Variants in RABGEF1 observed in about 807,000 individuals in gnomAD.
RABGEF1 encodes rab5 GDP/GTP exchange factor.
A neutral mutation model predicts 57.3 loss-of-function variants in RABGEF1; 26 were observed. That is an observed-to-expected ratio of 0.45 (90% CI 0.33 to 0.63). RABGEF1 has a LOEUF of 0.63. Ranked by LOEUF, RABGEF1 falls within the 20% of genes least tolerant of loss-of-function variation. The probability of loss-of-function intolerance (pLI) is 0.02; values close to 1 mark genes in which losing one functional copy is unlikely to be tolerated. For synonymous variants in RABGEF1, 185 were observed against 210.7 expected (o/e 0.88, Z 1.06); for missense variants, 464 against 607.6 (o/e 0.76, Z 2.48).
intron 1 of RABGEF1, among the ~76,000 whole-genome samples, chr7:66,705,143 G>A (rs1056680952): frequency 6.6e-6 from 1 of 152,128 alleles, no homozygotes; most frequent in Admixed American, 6.5e-5. Flanking sequence ...GCTCATGCCT[G>A]TAAACCCAAC....
Position 66,761,624 on chromosome 7 carries a change from C to T in RABGEF1, c.-17-10259C>T, listed in dbSNP as rs1416025183. Among the ~76,000 whole-genome samples, 5 of 152,246 alleles carry T rather than the reference C, an allele frequency of 3.3e-5. No homozygotes were observed. The East Asian group carries it at 9.7e-4, about 29-fold the overall frequency. On this transcript the variant is annotated intron_variant, in intron 1 of 8. Coordinates refer to ENST00000284957, the MANE Select transcript of RABGEF1 (RefSeq NM_014504.3). ...GGCTTCCTGACACCAGCATTCGTCC[C>T]TCAGAGTACAGAGCTGGACCCTCTC...
chr7:66,763,071 C>A (rs139880524), intron 1 of RABGEF1, among the ~76,000 whole-genome samples: 2 of 152,172 alleles, frequency 1.3e-5, no homozygotes, highest in Non-Finnish European at 2.9e-5. Context: ...AGTCATAGCT[C>A]GCTGCAGCCT....
intron 1 of RABGEF1, among the ~76,000 whole-genome samples, chr7:66,764,466 A>C (rs1805198156): frequency 6.6e-6 from 1 of 152,154 alleles, no homozygotes; most frequent in African/African-American, 2.4e-5. Context: ...ATTTTGTTGG[A>C]GTACAATTTA....
the RABGEF1 span, among the ~76,000 whole-genome samples, chr7:66,675,932 A>G: frequency 6.6e-6 from 1 of 152,202 alleles, no homozygotes; most frequent in Non-Finnish European, 1.5e-5. Flanking sequence ...CAAAGAAGAC[A>G]AATAAATGGA....
At chr7:66,729,097 C>T (rs1370660609) in intron 2 of RABGEF1, among the ~76,000 whole-genome samples, 2 of 151,892 alleles carry the variant, frequency 1.3e-5, no homozygotes, top group Non-Finnish European at 2.9e-5. Context: ...ACTACAGGTG[C>T]GTGCGACCAT....
At chr7:66,674,192 C>CTTTTTTTTTTTTTTTT in the RABGEF1 span, among the ~76,000 whole-genome samples, 1 of 139,330 alleles carries the variant, frequency 7.2e-6, no homozygotes. Flanking sequence ...CCACTAAAGG[C>CTTTTTTTTTTTTTTTT]TTTTTTTTTT....
In RABGEF1 at chr7:66,782,791, A is replaced by G. The variant is rs547676263; in HGVS notation, c.347-884A>G. Among the ~76,000 whole-genome samples the G allele has an allele frequency of 1.2e-3, 177 of 152,288 alleles. 2 individuals carry two copies. Among genetic ancestry groups the G allele is most frequent in the African/African-American group, 4.1e-3 (170 of 41,578 alleles). ...ACAGAGCAAGACTTCGTCTCAAAAA[A>G]AAAATAAAACATACTTTTAAAAAAA... On this transcript the variant is annotated intron_variant, in intron 3 of 8. Transcript: ENST00000284957.
At position 66,775,368 on chromosome 7, in the gene RABGEF1, A is replaced by C; in HGVS notation, c.321A>C (p.Ala107=). ...KVTTVKKFFS[A]SSRVGSKKEI... ...CCACAGTGAAGAAATTCTTCAGTGC[A>C]TCTTCCAGGGTCGGATCAAAGAAGG... is the stretch of plus-strand genomic sequence containing the variant. Residue 107 remains alanine (A), a synonymous_variant, in exon 3 of 9, where the codon GCA becomes GCC. Transcript: ENST00000284957. 2 of 1,613,912 alleles carry C rather than the reference A, an allele frequency of 1.2e-6. No individual in the cohort carries two copies. The highest frequency in any genetic ancestry group is 1.1e-5 in the South Asian group (1 of 91,068).
At chr7:66,805,045 T>G (rs1584286397) in intron 7 of RABGEF1, 95 bp from the exon 8 acceptor site, 7 of 1,352,110 alleles carry the variant, frequency 5.2e-6, no homozygotes, top group Non-Finnish European at 7.2e-6. Context: ...TTAATAAGGA[T>G]TCCTTCATAA....
intron 7 of RABGEF1, among the ~76,000 whole-genome samples, chr7:66,803,653 G>T (rs1161296021): frequency 6.6e-6 from 1 of 152,152 alleles, no homozygotes; most frequent in East Asian, 1.9e-4. Context: ...CATTTTGGGA[G>T]GCTGAGGTGG....
chr7:66,729,877 G>A (rs1374102208), intron 2 of RABGEF1, among the ~76,000 whole-genome samples: 1 of 152,374 alleles, frequency 6.6e-6, no homozygotes, highest in East Asian at 1.9e-4. Flanking sequence ...GCAGAGGTCT[G>A]TGCTGACTGG....
chr7:66,735,782 A>G (rs999776872), upstream of RABGEF1, among the ~76,000 whole-genome samples: 1 of 152,106 alleles, frequency 6.6e-6, no homozygotes, highest in African/African-American at 2.4e-5. Context: ...CCCTCCAGCC[A>G]TGCTTCCTGT....
intron 4 of RABGEF1, among the ~76,000 whole-genome samples, chr7:66,790,725 G>A (rs1276514094): frequency 6.6e-6 from 1 of 152,152 alleles, no homozygotes; most frequent in Non-Finnish European, 1.5e-5. Context: ...TAACCAGTAG[G>A]TAAACAGAAA....
intron 4 of RABGEF1, among the ~76,000 whole-genome samples, chr7:66,786,024 C>T (rs1811112198): frequency 6.6e-6 from 1 of 152,268 alleles, no homozygotes; most frequent in South Asian, 2.1e-4. Flanking sequence ...AAAAACTGCC[C>T]AGTCAGCCTT....
rs184625987 is a variant in RABGEF1, at chr7:66,764,650, T to C, written c.-17-7233T>C. Among the ~76,000 whole-genome samples, 417 of 152,368 alleles carry C rather than the reference T, an allele frequency of 2.7e-3. 6 individuals are homozygous for C. Among genetic ancestry groups the C allele is most frequent in the African/African-American group, 8.6e-3 (357 of 41,586 alleles). On this transcript the variant is annotated intron_variant, in intron 1 of 8. Coordinates refer to ENST00000284957, the MANE Select transcript of RABGEF1 (RefSeq NM_014504.3). Reference sequence around the variant, plus strand: ...TTGTACGTGGTATGAAGTAAGCATCTAACATCTAACATCGTTCTTTTGCAT... The same window carrying C: ...TTGTACGTGGTATGAAGTAAGCATCCAACATCTAACATCGTTCTTTTGCAT...
At chr7:66,806,520 G>C (rs1165023320) in intron 8 of RABGEF1, among the ~76,000 whole-genome samples, 3 of 151,882 alleles carry the variant, frequency 2.0e-5, no homozygotes, top group Admixed American at 6.6e-5. Flanking sequence ...TGATCAGAAT[G>C]ATGCTTTTAC....
chr7:66,654,999 G>C, the RABGEF1 span, among the ~76,000 whole-genome samples: 2 of 152,228 alleles, frequency 1.3e-5, no homozygotes, highest in Non-Finnish European at 2.9e-5. Context: ...CAGGACGCTG[G>C]CTCCGAAGCA....
chr7:66,672,342 G>T, the RABGEF1 span, among the ~76,000 whole-genome samples: 4 of 152,190 alleles, frequency 2.6e-5, no homozygotes, highest in East Asian at 7.8e-4. Flanking sequence ...TGAGGCAGGA[G>T]AATGGTGTGA....
chr7:66,715,569 C>G (rs1795293696), intron 2 of RABGEF1, among the ~76,000 whole-genome samples: 1 of 152,138 alleles, frequency 6.6e-6, no homozygotes, highest in Non-Finnish European at 1.5e-5. Context: ...CTGTTTCACC[C>G]AGGATTATGT....
Sources: allele counts gnomAD v4.1 joint callset (sites outside exome capture counted in the v4.1 genomes callset), GRCh38; gene constraint gnomAD v4.1.1; transcripts MANE v1.5; gene names NCBI Gene and HGNC (gene_info 2026-07-23, HGNC 2026-07-21).